The following SENP1 variants were observed in gnomAD, a reference collection of about 807,000 sequenced individuals.
The protein encoded by SENP1 is sentrin-specific protease 1.
SENP1 carries 21 observed loss-of-function variants against 93.0 expected under a neutral mutation model. The observed-to-expected ratio is 0.23, with a 90% CI of 0.16 to 0.33. The LOEUF is 0.33. Ranked by LOEUF, SENP1 falls within the 10% of genes least tolerant of loss-of-function variation. The pLI is 1.00. For missense variants in SENP1, 591 were observed against 758.7 expected, an observed-to-expected ratio of 0.78 and a Z score of 2.60; for synonymous variants, 256 against 259.6, an observed-to-expected ratio of 0.99 and a Z score of 0.13.
At chr12:48,060,438 G>C (rs1942881209) in intron 13 of SENP1, among the ~76,000 whole-genome samples, 1 of 152,160 alleles carries the variant, frequency 6.6e-6, no homozygotes. Flanking sequence ...AGTTGGAAGG[G>C]ATTCCAGAAG....
At chr12:48,102,693 T>C (rs1052635420) in intron 1 of SENP1, among the ~76,000 whole-genome samples, 8 of 151,856 alleles carry the variant, frequency 5.3e-5, no homozygotes, top group African/African-American at 1.7e-4. Context: ...TAGGCATTCT[T>C]TGTGGTCACA....
Position 48,074,419 on chromosome 12 carries a change from C to T in SENP1, c.845G>A (p.Gly282Glu). 1 of 1,613,728 alleles carries T rather than the reference C, an allele frequency of 6.2e-7. No individual in the cohort carries two copies. Among genetic ancestry groups the T allele is most frequent in the South Asian group, 1.1e-5 (1 of 91,068 alleles). The change falls in exon 8 of 18, where the codon GGA becomes GAA. Residue 282 changes from glycine (G) to glutamate (E), a missense_variant. Transcript: ENST00000549518. ...ATGAAGAGTACCAGAATCTTTGGAT[C>T]CAAATGCAACATCTGGGGTATAAGA... Reference protein sequence around the residue: ...LSSYTPDVAFGSKDSGTLHHP... With the variant: ...LSSYTPDVAFESKDSGTLHHP...
chr12:48,057,340 G>A (rs902347393), intron 13 of SENP1, among the ~76,000 whole-genome samples: 31 of 146,728 alleles, frequency 2.1e-4, no homozygotes, highest in African/African-American at 7.0e-4. Context: ...AGCGATTCTC[G>A]TGCCTCAGCC....
intron 3 of SENP1, chr12:48,097,700 T>C (rs1368359305): frequency 1.0e-5 from 2 of 199,370 alleles, no homozygotes; most frequent in South Asian, 1.2e-4. Context: ...TCAGCAATTT[T>C]AGGTGCTAGT....
In SENP1 at chr12:48,048,021, A is replaced by C; in HGVS notation, c.1671T>G (p.Asn557Lys). 3 of 1,606,404 alleles carry C rather than the reference A, an allele frequency of 1.9e-6. No individual in the cohort carries two copies. The highest frequency in any genetic ancestry group is 2.6e-6 in the Non-Finnish European group (3 of 1,173,186). Residue 557 changes from asparagine (N) to lysine (K), a missense_variant, in exon 15 of 18, where the codon AAT (asparagine) becomes AAG (lysine). By Grantham distance (94) the Asn-to-Lys change is moderately conservative. Transcript: ENST00000549518. ...CTTACAAGAGTATTCTGCAGGCTTC[A>C]TTGTTTATCCCACCCATGGAGTCGT... Reference protein sequence around the residue: ...TYYDSMGGINNEACRILLQYL... With the variant: ...TYYDSMGGINKEACRILLQYL...
intron 1 of SENP1, among the ~76,000 whole-genome samples, chr12:48,104,865 T>C (rs1946357379): frequency 6.6e-6 from 1 of 152,166 alleles, no homozygotes; most frequent in Non-Finnish European, 1.5e-5. Context: ...GGATAATTAA[T>C]TGAAGTCAGT....
chr12:48,106,057 G>T lies in SENP1; in HGVS notation c.-74C>A. 1 of 702,390 alleles carries T rather than the reference G, an allele frequency of 1.4e-6. No individual in the cohort carries two copies. Among genetic ancestry groups the T allele is most frequent in the Non-Finnish European group, 2.6e-6 (1 of 384,760 alleles). 43.5% of individuals were successfully genotyped at this position (702,390 alleles called of 1,614,324 possible). ...CCGGAACCGGCTGCCATGCGAAGGG[G>T]TTTCCGGCCGGGCGCGGAACGCAAA... On this transcript the variant is annotated 5_prime_UTR_variant, in exon 1 of 18. Transcript: ENST00000549518.
Position 48,096,364 on chromosome 12 carries a change from A to T in SENP1, c.199T>A (p.Tyr67Asn). ...SFTCSTRSAAYNPSYYSDNPS... is the reference protein window; with the variant it reads ...SFTCSTRSAANNPSYYSDNPS... ...ATACCTGAGTAATAGCTTGGATTATAAGCTGCACTTCTTGTGGAACATGTA... is the reference window on the plus strand; with the variant it reads ...ATACCTGAGTAATAGCTTGGATTATTAGCTGCACTTCTTGTGGAACATGTA... Residue 67 changes from tyrosine to asparagine, a missense_variant, in exon 4 of 18, where the codon TAT (tyrosine) becomes AAT (asparagine). Physicochemically the swap from Tyr to Asn is moderately radical, Grantham distance 143. This residue lies in a region of SENP1 where 214 missense variants were observed against 243.4 expected (regional missense o/e 0.88). Transcript: ENST00000549518. 5 of 1,606,458 alleles carry T rather than the reference A, an allele frequency of 3.1e-6. No homozygotes were observed. The highest frequency in any genetic ancestry group is 4.3e-6 in the Non-Finnish European group (5 of 1,173,396).
chr12:48,097,365 T>C (rs1189799031), intron 3 of SENP1, among the ~76,000 whole-genome samples: 2 of 152,220 alleles, frequency 1.3e-5, no homozygotes, highest in Non-Finnish European at 1.5e-5. Flanking sequence ...CTAGGGCTCA[T>C]GGATGCTAAA....
intron 13 of SENP1, among the ~76,000 whole-genome samples, chr12:48,052,981 T>G (rs1323683416): frequency 6.6e-6 from 1 of 152,238 alleles, no homozygotes; most frequent in Admixed American, 6.5e-5. Context: ...GTTTTTTTCC[T>G]TCTTATGCAA....
At chr12:48,051,925 C>T (rs759348090) in intron 13 of SENP1, among the ~76,000 whole-genome samples, 5 of 152,202 alleles carry the variant, frequency 3.3e-5, no homozygotes, top group Non-Finnish European at 7.3e-5. Context: ...AACATTAGTC[C>T]ACCTGTCACC....
intron 5 of SENP1, chr12:48,085,356 G>A: frequency 7.0e-7 from 1 of 1,422,388 alleles, no homozygotes; most frequent in Non-Finnish European, 9.9e-7. Flanking sequence ...GCACCCATAT[G>A]AGGACGCCAA....
chr12:48,081,087 G>A (rs1944459740), intron 6 of SENP1, among the ~76,000 whole-genome samples: 1 of 152,132 alleles, frequency 6.6e-6, no homozygotes, highest in South Asian at 2.1e-4. Context: ...CAGAATTAAA[G>A]GATCCTGGTG....
chr12:48,101,237 G>A (rs1301969355), intron 2 of SENP1, among the ~76,000 whole-genome samples: 1 of 152,212 alleles, frequency 6.6e-6, no homozygotes, highest in East Asian at 1.9e-4. Context: ...AGTGAGCTGA[G>A]ATTGTGCTAC....
intron 1 of SENP1, chr12:48,105,444 G>T (rs775100098): frequency 1.9e-6 from 1 of 519,054 alleles, no homozygotes; most frequent in Non-Finnish European, 3.8e-6. Flanking sequence ...GCAGTTAAGG[G>T]GATTTTCATA....
rs769999636 is a variant in SENP1 at position 48,074,348 on chromosome 12, C to T, written c.916G>A (p.Ala306Thr). The T allele has an allele frequency of 6.2e-6, 10 of 1,612,728 alleles. No individual in the cohort carries two copies. The highest frequency in any genetic ancestry group is 8.5e-6 in the Non-Finnish European group (10 of 1,179,090). ...HSVPHQPDNL[A>T]ASNTQSEGSD... The stretch of plus-strand genomic sequence containing the variant: ...CCTTCAGATTGTGTATTTGAAGCTG[C>T]TAAGTTATCTGGCTGATGTGGAACA... The change falls in exon 8 of 18, where the codon GCA becomes ACA. Residue 306 changes from alanine to threonine, a missense_variant. Physicochemically the swap from Ala to Thr is moderately conservative, Grantham distance 58. This residue lies in a region of SENP1 where 238 missense variants were observed against 259.1 expected (regional missense o/e 0.92). Coordinates refer to ENST00000549518, the MANE Select transcript of SENP1 (RefSeq NM_001267594.2).
At chr12:48,080,665 C>T (rs1359905199) in intron 6 of SENP1, among the ~76,000 whole-genome samples, 2 of 152,006 alleles carry the variant, frequency 1.3e-5, no homozygotes, top group South Asian at 2.1e-4. Context: ...GTATTATATC[C>T]GAATTATTTG....
intron 9 of SENP1, among the ~76,000 whole-genome samples, chr12:48,068,031 T>A (rs563792765): frequency 5.3e-4 from 81 of 152,158 alleles, no homozygotes; most frequent in Admixed American, 4.7e-3. Flanking sequence ...TGGCTAATTT[T>A]TTCTTTTTTT....
At chr12:48,046,278 C>A (rs750495549) in intron 17 of SENP1, 78 bp downstream of exon 17, 8 of 962,290 alleles carry the variant, frequency 8.3e-6, no homozygotes, top group Non-Finnish European at 1.3e-5. Context: ...CTAAAGAGAA[C>A]AACTGGAGAG....
Sources: allele counts gnomAD v4.1 joint callset (sites outside exome capture counted in the v4.1 genomes callset), GRCh38; gene constraint gnomAD v4.1.1; regional missense constraint gnomAD v4.1.1; transcripts MANE v1.5; gene names NCBI Gene and HGNC (gene_info 2026-07-23, HGNC 2026-07-21).